KDR: variants seen among roughly 807,000 people sequenced by gnomAD.
KDR encodes kinase insert domain receptor.
A neutral mutation model predicts 160.9 loss-of-function variants in KDR; 43 were observed. The observed-to-expected ratio is 0.27, with a 90% CI of 0.21 to 0.34. The LOEUF is 0.34. Among genes scored for constraint, KDR ranks in the 10% least tolerant of loss-of-function variants. KDR has a pLI of 1.00. For synonymous variants in KDR, 617 were observed against 600.1 expected (o/e 1.03, Z -0.41); for missense variants, 1,469 against 1,666.4 (o/e 0.88, Z 2.06).
Position 55,125,455 on chromosome 4 carries a change from AGG to A in KDR, c.-164_-163del. On this transcript the variant is annotated 5_prime_UTR_variant, in exon 1 of 30. It introduces an in-frame stop codon into an upstream open reading frame of the 5' UTR. Transcript: ENST00000263923. ...GAGCCCGGGCGCCGACCGCGGCTGC[AGG>A]GGCGTCTGCGGGTGCCGGTAGGAGA... The A allele has an allele frequency of 1.2e-6, 1 of 812,106 alleles. No individual in the cohort carries two copies. Among genetic ancestry groups the A allele is most frequent in the Non-Finnish European group, 2.0e-6 (1 of 507,846 alleles). 50.3% of individuals were successfully genotyped at this position (812,106 alleles called of 1,614,324 possible).
intron 18 of KDR, among the ~76,000 whole-genome samples, chr4:55,097,319 T>C (rs2305947): frequency 6.6e-6 from 1 of 152,226 alleles, no homozygotes; most frequent in Non-Finnish European, 1.5e-5. Flanking sequence ...TGGTCTATAA[T>C]TATCTGATTC....
Position 55,104,754 on chromosome 4 carries a change from T to C in KDR, c.1876A>G (p.Ile626Val), listed in dbSNP as rs376258268. The change falls in exon 13 of 30, where the codon ATC becomes GTC. Residue 626 changes from isoleucine to valine, a missense_variant. By Grantham distance (29) the Ile-to-Val change is conservative. Around this residue, in one of 7 missense-constraint regions of KDR, gnomAD observed 792 missense variants for 840.9 expected, o/e 0.94. Coordinates refer to ENST00000263923, the MANE Select transcript of KDR (RefSeq NM_002253.4). The stretch of plus-strand genomic sequence containing the variant: ...AAGGATGCATTCTTAAGCTCCATGA[T>C]CAAAATGTCATTTGTGCTATTAGAG... The part of the protein sequence containing the change: ...MFSNSTNDIL[I>V]MELKNASLQD... 8 of 1,613,806 alleles carry C rather than the reference T, an allele frequency of 5.0e-6. No individual in the cohort carries two copies. In the Middle Eastern group the frequency reaches 4.9e-4, roughly 99 times the overall value.
At position 55,116,582 on chromosome 4, in the gene KDR, A is replaced by G. The variant is rs551530519; in HGVS notation, c.359-1171T>C. Among the ~76,000 whole-genome samples, 32 of 152,274 alleles carry G rather than the reference A, an allele frequency of 2.1e-4. No individual in the cohort carries two copies. In the South Asian group the frequency reaches 6.6e-3, roughly 32 times the overall value. On this transcript the variant is annotated intron_variant, in intron 3 of 29. Transcript: ENST00000263923. ...CATTTCACATTGCTATGCCCAACAC[A>G]TCCCATCAAGCATTCTCAGAGTGCT...
In KDR at chr4:55,107,906, A is replaced by G; in HGVS notation, c.1256-13T>C. The G allele has an allele frequency of 6.2e-7, 1 of 1,613,822 alleles. No individual in the cohort carries two copies. Among genetic ancestry groups the G allele is most frequent in the Non-Finnish European group, 8.5e-7 (1 of 1,179,770 alleles). Reference sequence around the variant, plus strand: ...ATCTGGGGTGGGACTGAAGATGGGAAAAACAACTTTTGAATTGTCAGTCAG... The same window carrying G: ...ATCTGGGGTGGGACTGAAGATGGGAGAAACAACTTTTGAATTGTCAGTCAG... On this transcript the variant is annotated splice_polypyrimidine_tract_variant and intron_variant, in intron 9 of 29. Transcript: ENST00000263923.
In KDR at chr4:55,088,885, G is replaced by C. The variant is rs2110010117; in HGVS notation, c.3493C>G (p.Gln1165Glu). The C allele has an allele frequency of 6.2e-7, 1 of 1,613,596 alleles. No individual in the cohort carries two copies. The highest frequency in any genetic ancestry group is 8.5e-7 in the Non-Finnish European group (1 of 1,179,514). Residue 1165 changes from glutamine to glutamate, a missense_variant, in exon 26 of 30, where the codon CAA (glutamine) becomes GAA (glutamate). Around this residue, in one of 7 missense-constraint regions of KDR, gnomAD observed 132 missense variants for 195.9 expected, o/e 0.67. Coordinates refer to ENST00000263923, the MANE Select transcript of KDR (RefSeq NM_002253.4). Reference sequence around the variant, plus strand: ...TGACAAACCTGCTGAGCATTAGCTTGCAAGAGATTTCCCAAATGTTCCACC... The same window carrying C: ...TGACAAACCTGCTGAGCATTAGCTTCCAAGAGATTTCCCAAATGTTCCACC... ...ELVEHLGNLL[Q>E]ANAQQDGKDY...
chr4:55,107,358 C>G (rs1288904922), intron 10 of KDR, among the ~76,000 whole-genome samples: 1 of 152,156 alleles, frequency 6.6e-6, no homozygotes, highest in Non-Finnish European at 1.5e-5. Context: ...CACTGCCTCT[C>G]ATCTATCAGC....
At chr4:55,087,496 G>A (rs1220837859) in intron 27 of KDR, 111 bp downstream of exon 27, 7 of 935,364 alleles carry the variant, frequency 7.5e-6, no homozygotes, top group Non-Finnish European at 1.2e-5. Flanking sequence ...AAGGTTATGT[G>A]GAAGTGGGAT....
At chr4:55,123,762 A>T (rs182638732) in intron 1 of KDR, among the ~76,000 whole-genome samples, 1 of 152,312 alleles carries the variant, frequency 6.6e-6, no homozygotes, top group East Asian at 1.9e-4. Context: ...AATATTAATT[A>T]ATTTGTGCAC....
At chr4:55,086,071 C>A (rs1719856365) in intron 27 of KDR, among the ~76,000 whole-genome samples, 1 of 152,182 alleles carries the variant, frequency 6.6e-6, no homozygotes, top group Non-Finnish European at 1.5e-5. Flanking sequence ...AAAAGGCCAG[C>A]TCAACTTGAA....
At chr4:55,103,504 T>G (rs892714083) in intron 13 of KDR, among the ~76,000 whole-genome samples, 2 of 152,184 alleles carry the variant, frequency 1.3e-5, no homozygotes, top group African/African-American at 2.4e-5. Context: ...GCCAGGAGCC[T>G]ACTTCACATC....
chr4:55,092,577 G>A (rs115350631), intron 22 of KDR, 40 bp downstream of exon 22: 3 of 1,393,584 alleles, frequency 2.2e-6, no homozygotes, highest in East Asian at 4.6e-5. Context: ...CCAAACCTGT[G>A]ATCTGAAAAG....
Position 55,104,751 on chromosome 4 carries a change from T to A in KDR, c.1879A>T (p.Met627Leu). The change falls in exon 13 of 30, where the codon ATG (methionine) becomes TTG (leucine). Residue 627 changes from methionine to leucine, a missense_variant. Physicochemically the swap from Met to Leu is conservative, Grantham distance 15. Around this residue, in one of 7 missense-constraint regions of KDR, gnomAD observed 792 missense variants for 840.9 expected, o/e 0.94. Coordinates refer to ENST00000263923, the MANE Select transcript of KDR (RefSeq NM_002253.4). ...TGCAAGGATGCATTCTTAAGCTCCA[T>A]GATCAAAATGTCATTTGTGCTATTA... The part of the protein sequence containing the change: ...FSNSTNDILI[M>L]ELKNASLQDQ... The A allele has an allele frequency of 6.2e-7, 1 of 1,613,960 alleles. No individual in the cohort carries two copies.
At chr4:55,108,407 C>T (rs1720495128) in intron 9 of KDR, among the ~76,000 whole-genome samples, 1 of 152,080 alleles carries the variant, frequency 6.6e-6, no homozygotes, top group African/African-American at 2.4e-5. Context: ...ACAGTAAATA[C>T]ATTTATTATG....
At chr4:55,123,495 A>G (rs1426199960) in intron 1 of KDR, among the ~76,000 whole-genome samples, 2 of 152,268 alleles carry the variant, frequency 1.3e-5, no homozygotes, top group Non-Finnish European at 2.9e-5. Flanking sequence ...CTTCATTCAT[A>G]GGAAGCTGAG....
At chr4:55,117,719 G>A (rs1277482965) in intron 3 of KDR, among the ~76,000 whole-genome samples, 1 of 152,122 alleles carries the variant, frequency 6.6e-6, no homozygotes, top group African/African-American at 2.4e-5. Context: ...GATGTAAAAA[G>A]GCATATACGT....
At chr4:55,081,382 ATTTGT>A (rs1719732588) in intron 29 of KDR, among the ~76,000 whole-genome samples, 1 of 152,136 alleles carries the variant, frequency 6.6e-6, no homozygotes, top group African/African-American at 2.4e-5. Flanking sequence ...ATTTTCATTG[ATTTGT>A]TATGTTAAGA....
intron 17 of KDR, 32 bp downstream of exon 17, chr4:55,098,105 C>T: frequency 4.3e-6 from 7 of 1,613,244 alleles, no homozygotes; most frequent in Non-Finnish European, 5.1e-6. Flanking sequence ...CTGGTAAACA[C>T]AATATCAAAT....
intron 15 of KDR, 30 bp from the exon 16 acceptor site, chr4:55,098,833 C>T: frequency 6.8e-7 from 1 of 1,480,434 alleles, no homozygotes; most frequent in Non-Finnish European, 9.4e-7. Context: ...TGAGTATCAA[C>T]AGTTGGAAAC....
chr4:55,095,712 C>A, intron 19 of KDR, 47 bp from the exon 20 acceptor site: 1 of 1,356,078 alleles, frequency 7.4e-7, no homozygotes, highest in South Asian at 1.2e-5. Context: ...CACTCATATT[C>A]CTCACTAAGC....
Sources: gnomAD v4.1 joint callset for allele counts (sites outside exome capture counted in the v4.1 genomes callset) on GRCh38, gnomAD v4.1.1 for gene constraint, gnomAD v4.1.1 regional missense constraint, MANE v1.5 for transcripts, NCBI Gene and HGNC (gene_info 2026-07-23, HGNC 2026-07-21) for gene names.